EPHB1: variants seen among roughly 807,000 people sequenced by gnomAD.
EPHB1 encodes ephrin type-B receptor 1.
EPHB1 carries 30 observed loss-of-function variants against 94.4 expected under a neutral mutation model. That is an observed-to-expected ratio of 0.32 (90% confidence interval 0.24 to 0.43). The LOEUF (loss-of-function observed/expected upper bound fraction) is 0.43. EPHB1 is among the 20% of genes least tolerant of loss of function. The pLI is 1.00. For synonymous variants in EPHB1, 522 were observed against 489.1 expected, an observed-to-expected ratio of 1.07 and a Z score of -0.89; for missense variants, 1,055 against 1,308.3, an observed-to-expected ratio of 0.81 and a Z score of 2.99.
At chr3:135,133,648 T>C (rs16842648) in intron 5 of EPHB1, among the ~76,000 whole-genome samples, 2,932 of 149,196 alleles carry the variant, frequency 0.02, 86 homozygotes, top group African/African-American at 0.068. Context: ...CTCTGATGAA[T>C]GATATGCTGC....
chr3:135,253,448 AG>A (rs1933219315), intron 15 of EPHB1, among the ~76,000 whole-genome samples: 1 of 150,322 alleles, frequency 6.7e-6, no homozygotes, highest in African/African-American at 2.4e-5. Context: ...CAGTTTTCCC[AG>A]CACCATTTAT....
At chr3:134,840,900 T>C (rs544623474) in intron 1 of EPHB1, among the ~76,000 whole-genome samples, 4 of 152,194 alleles carry the variant, frequency 2.6e-5, no homozygotes, top group Non-Finnish European at 5.9e-5. Flanking sequence ...GCGATAACCC[T>C]CCAGCTCACT....
rs2107799048 is a variant in EPHB1, at chr3:135,106,538, C to T, written c.896C>T (p.Pro299Leu). 6.2e-7 allele frequency: 1 copy of T among 1,614,060 alleles called. No individual in the cohort carries two copies. Among genetic ancestry groups the T allele is most frequent in the Non-Finnish European group, 8.5e-7 (1 of 1,179,894 alleles). The change falls in exon 4 of 16, where the codon CCC (proline) becomes CTC (leucine). Residue 299 changes from proline (P) to leucine (L), a missense_variant. Transcript: ENST00000398015. Reference protein sequence around the residue: ...SNSRSPAEASPICTCRTGYYR... With the variant: ...SNSRSPAEASLICTCRTGYYR... ...AGCCGCTCCCCTGCAGAGGCGTCTC[C>T]CATCTGCACCTGTCGGACCGGTTAT...
chr3:134,975,213 A>G (rs982188624), intron 3 of EPHB1, among the ~76,000 whole-genome samples: 2 of 152,052 alleles, frequency 1.3e-5, no homozygotes, highest in African/African-American at 2.4e-5. Flanking sequence ...GGAAACTTTT[A>G]TGGGGACTCA....
intron 12 of EPHB1, among the ~76,000 whole-genome samples, chr3:135,237,667 G>T (rs1259389217): frequency 6.6e-6 from 1 of 152,182 alleles, no homozygotes; most frequent in Non-Finnish European, 1.5e-5. Context: ...CCCAAGCCCA[G>T]TGTCAGCACT....
At position 134,795,352 on chromosome 3, in the gene EPHB1, T is replaced by C. The variant is rs2035799355; in HGVS notation, c.-280T>C. ...CTCTCGCGCGCTCTCCCAGGCTCGTTCTCCCTCGCCCTCTCTCTCTCACAC... is the reference window on the plus strand; with the variant it reads ...CTCTCGCGCGCTCTCCCAGGCTCGTCCTCCCTCGCCCTCTCTCTCTCACAC... On this transcript the variant is annotated 5_prime_UTR_variant, in exon 1 of 16. Transcript: ENST00000398015. 2.0e-6 allele frequency: 1 copy of C among 494,784 alleles called. No individual in the cohort carries two copies. The allele number at this position is 494,784 out of a possible 1,614,324, so 30.6% of individuals were successfully genotyped here.
rs1305200941 is a variant in EPHB1, at chr3:135,133,001, C to T, written c.1249C>T (p.Pro417Ser). 2 of 1,608,232 alleles carry T rather than the reference C, an allele frequency of 1.2e-6. No individual in the cohort carries two copies. The highest frequency in any genetic ancestry group is 1.7e-6 in the Non-Finnish European group (2 of 1,175,314). ...QAINGVSSKS[P>S]FPPQHVSVNI... ...CATCAATGGAGTCTCCAGCAAGAGT[C>T]CCTTCCCCCCACAGCACGTCTCTGT... The change falls in exon 5 of 16, where the codon CCC becomes TCC. Residue 417 changes from proline to serine, a missense_variant. Transcript: ENST00000398015.
intron 3 of EPHB1, among the ~76,000 whole-genome samples, chr3:135,098,329 A>G (rs1938884243): frequency 7.2e-6 from 1 of 138,750 alleles, no homozygotes; most frequent in Non-Finnish European, 1.5e-5. Flanking sequence ...TTTGCTGAGT[A>G]TGATATGTTT....
At chr3:134,932,988 T>C (rs997382968) in intron 2 of EPHB1, among the ~76,000 whole-genome samples, 1 of 152,200 alleles carries the variant, frequency 6.6e-6, no homozygotes, top group Non-Finnish European at 1.5e-5. Flanking sequence ...CTATTCTCAT[T>C]CTATGCTTTA....
chr3:134,796,662 C>G (rs540006847), intron 1 of EPHB1, among the ~76,000 whole-genome samples: 1 of 152,378 alleles, frequency 6.6e-6, no homozygotes, highest in East Asian at 1.9e-4. Context: ...TTCTTCGCAG[C>G]CTAGCAGCGG....
Position 134,951,262 on chromosome 3 carries a change from C to G in EPHB1, c.124-109C>G. 1.1e-6 allele frequency: 1 copy of G among 927,366 alleles called. No homozygotes were observed. The highest frequency in any genetic ancestry group is 2.3e-5 in the South Asian group (1 of 43,868). The allele number at this position is 927,366 out of a possible 1,614,324, so 57.4% of individuals were successfully genotyped here. On this transcript the variant is annotated intron_variant, in intron 2 of 15. Coordinates refer to ENST00000398015, the MANE Select transcript of EPHB1 (RefSeq NM_004441.5). The surrounding 1 kb of genome is among the most constrained non-coding windows in gnomAD (Gnocchi z 4.5). ...CAAGTCAATCTGCTGGACTGGTGAG[C>G]TCTTAAGGCCCCTTAGCCCCAGGAT... is the stretch of plus-strand genomic sequence containing the variant.
chr3:134,814,294 A>G (rs774756557), intron 1 of EPHB1, among the ~76,000 whole-genome samples: 5 of 152,194 alleles, frequency 3.3e-5, no homozygotes, highest in African/African-American at 4.8e-5. Flanking sequence ...GGGTATACTT[A>G]TGGATAAGCT....
At chr3:134,964,447 G>T (rs952546235) in intron 3 of EPHB1, among the ~76,000 whole-genome samples, 1 of 152,216 alleles carries the variant, frequency 6.6e-6, no homozygotes, top group Non-Finnish European at 1.5e-5. Context: ...AGGACATAAG[G>T]TCAGTGCAAC....
intron 2 of EPHB1, among the ~76,000 whole-genome samples, chr3:134,937,839 G>C (rs1355665830): frequency 6.6e-6 from 1 of 151,870 alleles, no homozygotes; most frequent in Non-Finnish European, 1.5e-5. Context: ...TCACATGTGT[G>C]AGGCACTGCA....
intron 3 of EPHB1, among the ~76,000 whole-genome samples, chr3:135,068,147 A>G (rs1937608004): frequency 6.6e-6 from 1 of 152,008 alleles, no homozygotes; most frequent in South Asian, 2.1e-4. Flanking sequence ...GTCATTCTGG[A>G]GCTAAAATTC....
At chr3:134,943,244 G>A (rs116908026) in intron 2 of EPHB1, among the ~76,000 whole-genome samples, 1 of 152,308 alleles carries the variant, frequency 6.6e-6, no homozygotes, top group East Asian at 1.9e-4. Flanking sequence ...ATGGGATGAG[G>A]GTGAGGTAAA....
intron 3 of EPHB1, among the ~76,000 whole-genome samples, chr3:135,041,258 C>A (rs1936834604): frequency 6.6e-6 from 1 of 152,146 alleles, no homozygotes; most frequent in Non-Finnish European, 1.5e-5. Context: ...TTTCAACCCC[C>A]CAGCCTTCCC....
At chr3:134,884,515 G>C (rs114172939) in intron 1 of EPHB1, among the ~76,000 whole-genome samples, 1,851 of 152,274 alleles carry the variant, frequency 0.012, 39 homozygotes, top group African/African-American at 0.042. Context: ...GTCTATTTTT[G>C]CTAGAGAATA....
At chr3:135,095,918 G>C (rs1301196526) in intron 3 of EPHB1, among the ~76,000 whole-genome samples, 2 of 152,154 alleles carry the variant, frequency 1.3e-5, no homozygotes, top group African/African-American at 4.8e-5. Flanking sequence ...GAGTGGGTTA[G>C]GTCCCTACTG....
Sources: allele counts gnomAD v4.1 joint callset (sites outside exome capture counted in the v4.1 genomes callset), GRCh38; gene constraint gnomAD v4.1.1; non-coding constraint Gnocchi (gnomAD v3.1); transcripts MANE v1.5; gene names NCBI Gene and HGNC (gene_info 2026-07-23, HGNC 2026-07-21).